KCNH5: variants seen among roughly 807,000 people sequenced by gnomAD.
KCNH5 encodes the protein potassium voltage-gated channel subfamily H member 5, also known as voltage-gated delayed rectifier potassium channel KCNH5.
KCNH5 carries 46 observed loss-of-function variants against 96.1 expected under a neutral mutation model. The ratio of observed to expected loss-of-function variants is 0.48; its 90% confidence interval spans 0.38 to 0.61. The LOEUF (loss-of-function observed/expected upper bound fraction) is 0.61. KCNH5 is among the 20% of genes least tolerant of loss of function. The probability of loss-of-function intolerance (pLI) is 0.00; values close to 1 mark genes in which losing one functional copy is unlikely to be tolerated. For missense variants in KCNH5, 907 were observed against 1,225.8 expected, an observed-to-expected ratio of 0.74 and a Z score of 3.88; for synonymous variants, 439 against 449.8, an observed-to-expected ratio of 0.98 and a Z score of 0.30.
chr14:62,766,746 G>A (rs2139961433), intron 10 of KCNH5, among the ~76,000 whole-genome samples: 1 of 152,100 alleles, frequency 6.6e-6, no homozygotes, highest in East Asian at 1.9e-4. Flanking sequence ...AAAGTAGAAA[G>A]AAATAAGACC....
rs187678949 is a variant in KCNH5 at position 62,785,232 on chromosome 14, A to C, written c.1823-5308T>G. Among the ~76,000 whole-genome samples the C allele has an allele frequency of 1.1e-4, 17 of 152,108 alleles. No individual in the cohort carries two copies. The East Asian group carries it at 2.9e-3, about 26-fold the overall frequency. Reference sequence around the variant, plus strand: ...AAAAAATTAATTAATTTACCAGCCAAAGTAAAGTTGGTTAATGTCTTTCTT... The same window carrying C: ...AAAAAATTAATTAATTTACCAGCCACAGTAAAGTTGGTTAATGTCTTTCTT... On this transcript the variant is annotated intron_variant, in intron 9 of 10. Transcript: ENST00000322893.
intron 7 of KCNH5, among the ~76,000 whole-genome samples, chr14:62,896,961 A>G (rs755305980): frequency 1.3e-5 from 2 of 152,238 alleles, no homozygotes; most frequent in African/African-American, 4.8e-5. Context: ...TATGAGGAAT[A>G]TACATAACAA....
chr14:62,752,902 T>C (rs905998565), intron 10 of KCNH5, among the ~76,000 whole-genome samples: 1 of 152,102 alleles, frequency 6.6e-6, no homozygotes, highest in Non-Finnish European at 1.5e-5. Context: ...GAACTATGAG[T>C]CAAATAAACC....
At chr14:62,800,205 A>G (rs1886632617) in intron 9 of KCNH5, among the ~76,000 whole-genome samples, 1 of 152,148 alleles carries the variant, frequency 6.6e-6, no homozygotes, top group African/African-American at 2.4e-5. Context: ...TGACTCATTA[A>G]GCACAAGATG....
chr14:62,899,502 C>A (rs988802990), intron 7 of KCNH5, among the ~76,000 whole-genome samples: 1 of 152,038 alleles, frequency 6.6e-6, no homozygotes, highest in African/African-American at 2.4e-5. Flanking sequence ...ACACTTCTAT[C>A]AAAACATGAC....
intron 10 of KCNH5, among the ~76,000 whole-genome samples, chr14:62,738,650 A>G (rs571315712): frequency 9.2e-5 from 14 of 152,156 alleles, no homozygotes; most frequent in African/African-American, 3.1e-4. Flanking sequence ...AGATCCTACA[A>G]TCATACTTAG....
chr14:62,941,644 T>A (rs1889792773), intron 7 of KCNH5, among the ~76,000 whole-genome samples: 1 of 152,202 alleles, frequency 6.6e-6, no homozygotes, highest in Non-Finnish European at 1.5e-5. Context: ...GCTCTCCCCA[T>A]CTGGCTAAAA....
At position 62,812,814 on chromosome 14, in the gene KCNH5, C is replaced by T. The variant is rs563743692; in HGVS notation, c.1570-10233G>A. ...ACACTTATCTATGTGTAGATACCAT[C>T]GTTACAAAACTTCAAACTCTACTAT... On this transcript the variant is annotated intron_variant, in intron 8 of 10. Coordinates refer to ENST00000322893, the MANE Select transcript of KCNH5 (RefSeq NM_139318.5). Among the ~76,000 whole-genome samples, 18 of 152,030 alleles carry T rather than the reference C, an allele frequency of 1.2e-4. 1 individual carries two copies. In the South Asian group the frequency reaches 3.5e-3, roughly 30 times the overall value.
chr14:63,017,903 A>T (rs983754290), intron 1 of KCNH5, among the ~76,000 whole-genome samples: 7 of 151,872 alleles, frequency 4.6e-5, no homozygotes, highest in Non-Finnish European at 8.8e-5. Flanking sequence ...TCTTCATAAA[A>T]ATAATAATGC....
chr14:63,012,235 C>T (rs1047043784), intron 2 of KCNH5, among the ~76,000 whole-genome samples: 2 of 152,122 alleles, frequency 1.3e-5, no homozygotes, highest in African/African-American at 4.8e-5. Context: ...CTTTTCATGT[C>T]CTCCAATAAA....
chr14:62,804,882 G>A (rs1291343174), intron 8 of KCNH5, among the ~76,000 whole-genome samples: 1 of 152,090 alleles, frequency 6.6e-6, no homozygotes, highest in Non-Finnish European at 1.5e-5. Context: ...AGAGTTTATT[G>A]TTGCTTAAAC....
intron 10 of KCNH5, among the ~76,000 whole-genome samples, chr14:62,713,279 TATA>T (rs138467289): frequency 0.55 from 60,360 of 109,914 alleles, 12,434 homozygotes; most frequent in Non-Finnish European, 0.63. Flanking sequence ...GTGCTATCTG[TATA>T]TTATTATTAT....
chr14:62,870,091 T>TGTAGCTGAAATTC (rs113061738), intron 7 of KCNH5, among the ~76,000 whole-genome samples: 7,623 of 152,250 alleles, frequency 0.05, 635 homozygotes, highest in African/African-American at 0.17. Flanking sequence ...AGAGACCTTT[T>TGTAGCTGAAATTC]AGGAAGTAAG....
At chr14:62,842,563 A>C (rs558630935) in intron 8 of KCNH5, among the ~76,000 whole-genome samples, 1 of 152,348 alleles carries the variant, frequency 6.6e-6, no homozygotes, top group African/African-American at 2.4e-5. Context: ...TAATAAGCTG[A>C]AGAATAGTTT....
At chr14:62,798,852 C>T (rs888465415) in intron 9 of KCNH5, among the ~76,000 whole-genome samples, 3 of 152,152 alleles carry the variant, frequency 2.0e-5, no homozygotes, top group African/African-American at 7.2e-5. Context: ...GAAACTGCAC[C>T]TGTTTTTGGA....
At chr14:62,746,857 CT>C (rs1180387180) in intron 10 of KCNH5, among the ~76,000 whole-genome samples, 7 of 152,216 alleles carry the variant, frequency 4.6e-5, no homozygotes, top group Non-Finnish European at 7.3e-5. Flanking sequence ...CTTTCTTCCC[CT>C]ATCAGTGGCC....
chr14:62,782,144 G>T (rs1052852346), intron 9 of KCNH5, among the ~76,000 whole-genome samples: 5 of 152,174 alleles, frequency 3.3e-5, no homozygotes, highest in African/African-American at 4.8e-5. Flanking sequence ...AGAGAGAAAA[G>T]AAAATGTGTA....
At chr14:62,833,981 A>G (rs1887414520) in intron 8 of KCNH5, among the ~76,000 whole-genome samples, 1 of 152,066 alleles carries the variant, frequency 6.6e-6, no homozygotes, top group Admixed American at 6.6e-5. Flanking sequence ...TACTACTCTA[A>G]CAAATCTGCC....
intron 5 of KCNH5, among the ~76,000 whole-genome samples, chr14:62,984,779 G>C (rs1158467806): frequency 2.0e-5 from 3 of 152,078 alleles, no homozygotes; most frequent in Non-Finnish European, 4.4e-5. Context: ...AAACAGATGG[G>C]ATGAAATAGG....
Sources: allele counts gnomAD v4.1 joint callset (sites outside exome capture counted in the v4.1 genomes callset), GRCh38; gene constraint gnomAD v4.1.1; transcripts MANE v1.5; gene names NCBI Gene and HGNC (gene_info 2026-07-23, HGNC 2026-07-21).